Variants in GNRH1 observed in about 807,000 individuals in gnomAD.
GNRH1 encodes gonadotropin releasing hormone 1.
In GNRH1, 9 loss-of-function variants were observed where a neutral mutation model predicts 13.6. The observed-to-expected ratio is 0.66, with a 90% CI of 0.40 to 1.15. The LOEUF (loss-of-function observed/expected upper bound fraction) is 1.15. GNRH1 is among the 50% of genes most tolerant of loss of function. The probability of loss-of-function intolerance (pLI) is 0.01; values close to 1 mark genes in which losing one functional copy is unlikely to be tolerated. For synonymous variants in GNRH1, 44 were observed against 40.1 expected, an observed-to-expected ratio of 1.10 and a Z score of -0.37; for missense variants, 116 against 110.8, an observed-to-expected ratio of 1.05 and a Z score of -0.21.
intron 2 of GNRH1, 92 bp downstream of exon 2, chr8:25,423,098 T>C (rs541310621): frequency 2.1e-6 from 2 of 970,718 alleles, no homozygotes; most frequent in Non-Finnish European, 3.3e-6. Context: ...TACAACATCA[T>C]AGAATATTGA....
intron 3 of GNRH1, among the ~76,000 whole-genome samples, chr8:25,420,308 G>A (rs1705100098): frequency 6.6e-6 from 1 of 151,254 alleles, no homozygotes; most frequent in Non-Finnish European, 1.5e-5. Context: ...CAGCTACTCG[G>A]GAGGCTGAGT....
chr8:25,423,210 A>C lies in GNRH1; in HGVS notation c.121T>G (p.Leu41Val). ...RPGGKRDAEN[L>V]IDSFQEIVKE... Reference sequence around the variant, plus strand: ...CTTACCTCTTGGAAAGAATCAATCAAATTTTCGGCATCTCTCTTTCCTCCA... The same window carrying C: ...CTTACCTCTTGGAAAGAATCAATCACATTTTCGGCATCTCTCTTTCCTCCA... Residue 41 changes from leucine to valine, a missense_variant, in exon 2 of 4, where the codon TTG becomes GTG. Leu to Val is a conservative substitution (Grantham distance 32, BLOSUM62 1). Coordinates refer to ENST00000421054, the MANE Select transcript of GNRH1 (RefSeq NM_001083111.2). 1 of 1,612,482 alleles carries C rather than the reference A, an allele frequency of 6.2e-7. No individual in the cohort carries two copies. The highest frequency in any genetic ancestry group is 2.2e-5 in the East Asian group (1 of 44,868).
In GNRH1 at chr8:25,423,300, G is replaced by A. The variant is rs1387321805; in HGVS notation, c.31C>T (p.Leu11Phe). 2 of 1,612,376 alleles carry A rather than the reference G, an allele frequency of 1.2e-6. No homozygotes were observed. Among genetic ancestry groups the A allele is most frequent in the East Asian group, 2.2e-5 (1 of 44,864 alleles). The change falls in exon 2 of 4, where the codon CTT becomes TTT. Residue 11 changes from leucine (L) to phenylalanine (F), a missense_variant. By Grantham distance (22) the Leu-to-Phe change is conservative (BLOSUM62 0). Transcript: ENST00000421054. The stretch of plus-strand genomic sequence containing the variant: ...TCCACGCACCAAGTCAGTAGAATAA[G>A]GCCAGCTAGGAGTTTTTGAATTGGC... MKPIQKLLAGLILLTWCVEGC... is the reference protein window; with the variant it reads MKPIQKLLAGFILLTWCVEGC...
chr8:25,423,059 G>C lies in GNRH1; in HGVS notation c.141+131C>G, dbSNP rs535505888. On this transcript the variant is annotated intron_variant, in intron 2 of 3. Transcript: ENST00000421054. Reference sequence around the variant, plus strand: ...TAGGAATGGGACTTCTACTTTGTAAGTGCCTTATCTCACCTGGAGCATCTA... The same window carrying C: ...TAGGAATGGGACTTCTACTTTGTAACTGCCTTATCTCACCTGGAGCATCTA... The C allele has an allele frequency of 4.3e-5, 34 of 783,666 alleles. No homozygotes were observed. The African/African-American group carries it at 5.1e-4, about 12-fold the overall frequency. The allele number at this position is 783,666 out of a possible 1,614,324, so 48.5% of individuals were successfully genotyped here. A position where few individuals can be genotyped will look rare whatever the true frequency, so the allele number is the denominator to read the frequency against.
intron 3 of GNRH1, among the ~76,000 whole-genome samples, chr8:25,420,523 G>C (rs2117366604): frequency 6.6e-6 from 1 of 152,256 alleles, no homozygotes; most frequent in African/African-American, 2.4e-5. Flanking sequence ...CCAGCTCCTA[G>C]GCATAACTGA....
intron 1 of GNRH1, 114 bp from the exon 2 acceptor site, chr8:25,423,445 A>G: frequency 2.2e-6 from 2 of 904,644 alleles, no homozygotes; most frequent in South Asian, 2.8e-5. Flanking sequence ...AGAAGATGGA[A>G]GTCAGAGTCA....
Position 25,421,376 on chromosome 8 carries a change from A to C in GNRH1, c.237+197T>G, listed in dbSNP as rs541820831. On this transcript the variant is annotated intron_variant, in intron 3 of 3. Coordinates refer to ENST00000421054, the MANE Select transcript of GNRH1 (RefSeq NM_001083111.2). The stretch of plus-strand genomic sequence containing the variant: ...ACTTCAGAAAAAACAAACAAACAAA[A>C]AAACGTTTCAGCCCCTAGTGCTGTC... Among the ~76,000 whole-genome samples the C allele has an allele frequency of 9.8e-5, 15 of 152,338 alleles. No homozygotes were observed. In the South Asian group the frequency reaches 3.1e-3, roughly 32 times the overall value.
chr8:25,423,478 A>G, intron 1 of GNRH1, 147 bp from the exon 2 acceptor site: 1 of 691,272 alleles, frequency 1.4e-6, no homozygotes, highest in South Asian at 1.7e-5. Context: ...AGACACTGAA[A>G]CTCAGAGACA....
At chr8:25,423,985 C>G (rs1801809651) in intron 1 of GNRH1, 1 of 152,594 alleles carries the variant, frequency 6.6e-6, no homozygotes, top group Non-Finnish European at 1.5e-5. Context: ...GGGAAAGAGG[C>G]TAAAAACTAA....
At chr8:25,423,699 G>C (rs1047656425) in intron 1 of GNRH1, 43 of 253,716 alleles carry the variant, frequency 1.7e-4, no homozygotes, top group African/African-American at 9.8e-4. Flanking sequence ...TCATTCCTGA[G>C]ATAAAGAGAA....
At chr8:25,421,535 C>G (rs750877444) in intron 3 of GNRH1, 38 bp downstream of exon 3, 2 of 1,054,734 alleles carry the variant, frequency 1.9e-6, no homozygotes, top group South Asian at 2.6e-5. Flanking sequence ...ACCTCTAGAG[C>G]TCTATGCTGT....
At chr8:25,422,527 AAC>A (rs1345040691) in intron 2 of GNRH1, among the ~76,000 whole-genome samples, 1 of 152,230 alleles carries the variant, frequency 6.6e-6, no homozygotes, top group Non-Finnish European at 1.5e-5. Context: ...CAGCCTAGAT[AAC>A]ACAGCGAGAC....
chr8:25,420,170 C>T (rs1376057343), intron 3 of GNRH1, among the ~76,000 whole-genome samples: 1 of 151,900 alleles, frequency 6.6e-6, no homozygotes, highest in Non-Finnish European at 1.5e-5. Context: ...AATCCCAGCA[C>T]TTTGGGAGGC....
At position 25,419,459 on chromosome 8, in the gene GNRH1, T is replaced by C; in HGVS notation, c.239A>G (p.Glu80Gly). ...CCCAGTTTCCTCTTCAATCAGACTTTCCTGAAAAATATATAACAAATATAT... is the reference window on the plus strand; with the variant it reads ...CCCAGTTTCCTCTTCAATCAGACTTCCCTGAAAAATATATAACAAATATAT... ...SPLRDLKGAL[E>G]SLIEEETGQK... The change falls in exon 4 of 4, where the codon GAA (glutamate) becomes GGA (glycine). Residue 80 changes from glutamate (E) to glycine (G), a missense_variant and splice_region_variant. Glu to Gly is a moderately conservative substitution (Grantham distance 98, BLOSUM62 -2). Coordinates refer to ENST00000421054, the MANE Select transcript of GNRH1 (RefSeq NM_001083111.2). 1 of 1,414,002 alleles carries C rather than the reference T, an allele frequency of 7.1e-7. No homozygotes were observed. Among genetic ancestry groups the C allele is most frequent in the Non-Finnish European group, 1.0e-6 (1 of 997,560 alleles). 87.6% of individuals were successfully genotyped at this position (1,414,002 alleles called of 1,614,324 possible).
Position 25,423,253 on chromosome 8 carries a change from C to A in GNRH1, c.78G>T (p.Trp26Cys). 6.2e-7 allele frequency: 1 copy of A among 1,612,046 alleles called. No homozygotes were observed. The highest frequency in any genetic ancestry group is 1.1e-5 in the South Asian group (1 of 91,040). ...WCVEGCSSQHWSYGLRPGGKR... is the reference protein window; with the variant it reads ...WCVEGCSSQHCSYGLRPGGKR... ...TTCCTCCAGGGCGCAGTCCATAGGA[C>A]CAGTGCTGGCTGGAGCAGCCTTCCA... Residue 26 changes from tryptophan to cysteine, a missense_variant, in exon 2 of 4, where the codon TGG becomes TGT. Transcript: ENST00000421054.
At chr8:25,423,547 C>G in intron 1 of GNRH1, 1 of 588,978 alleles carries the variant, frequency 1.7e-6, no homozygotes, top group East Asian at 2.9e-5. Context: ...CTTAAGCTCA[C>G]ATGTTCAGGA....
At chr8:25,423,741 C>G (rs1801806084) in intron 1 of GNRH1, 1 of 223,146 alleles carries the variant, frequency 4.5e-6, no homozygotes, top group Non-Finnish European at 9.0e-6. Context: ...GTAGCTCCTA[C>G]TAGGAATCTC....
intron 3 of GNRH1, among the ~76,000 whole-genome samples, chr8:25,420,553 C>T (rs1233613024): frequency 1.3e-5 from 2 of 152,108 alleles, no homozygotes; most frequent in East Asian, 3.9e-4. Context: ...GTAATGCCTT[C>T]TGATTGCTGC....
At position 25,423,306 on chromosome 8, in the gene GNRH1, C is replaced by G; in HGVS notation, c.25G>C (p.Ala9Pro). Residue 9 changes from alanine to proline, a missense_variant, in exon 2 of 4, where the codon GCT becomes CCT. By Grantham distance (27) the Ala-to-Pro change is conservative. Coordinates refer to ENST00000421054, the MANE Select transcript of GNRH1 (RefSeq NM_001083111.2). ...CACCAAGTCAGTAGAATAAGGCCAG[C>G]TAGGAGTTTTTGAATTGGCTTCATT... The part of the protein sequence containing the change: MKPIQKLL[A>P]GLILLTWCVE... The G allele has an allele frequency of 6.2e-7, 1 of 1,612,810 alleles. No homozygotes were observed. The highest frequency in any genetic ancestry group is 1.1e-5 in the South Asian group (1 of 91,062).
Sources: allele counts gnomAD v4.1 joint callset (sites outside exome capture counted in the v4.1 genomes callset), GRCh38; gene constraint gnomAD v4.1.1; transcripts MANE v1.5; gene names NCBI Gene and HGNC (gene_info 2026-07-23, HGNC 2026-07-21).